Variants in TTC27 observed in about 807,000 individuals in gnomAD.
TTC27 encodes tetratricopeptide repeat protein 27.
A neutral mutation model predicts 115.9 loss-of-function variants in TTC27; 79 were observed. The observed-to-expected ratio is 0.68, with a 90% CI of 0.57 to 0.82. The LOEUF (loss-of-function observed/expected upper bound fraction) is 0.82. TTC27 is among the 40% of genes least tolerant of loss of function. The pLI, the probability that TTC27 is intolerant of heterozygous loss-of-function variation, is 0.00. For synonymous variants in TTC27, 401 were observed against 356.0 expected, an observed-to-expected ratio of 1.13 and a Z score of -1.42; for missense variants, 1,054 against 993.1, an observed-to-expected ratio of 1.06 and a Z score of -0.82.
chr2:32,759,432 A>T (rs748637710), intron 13 of TTC27, among the ~76,000 whole-genome samples: 1 of 152,194 alleles, frequency 6.6e-6, no homozygotes, highest in African/African-American at 2.4e-5. Context: ...GGTAAAAAAC[A>T]TAGAAAAATT....
At chr2:32,670,963 T>C (rs1665993840) in intron 7 of TTC27, among the ~76,000 whole-genome samples, 1 of 104,772 alleles carries the variant, frequency 9.5e-6, no homozygotes, top group Admixed American at 1.0e-4. Context: ...TCTTATTGAG[T>C]TCTAAGAGTT....
rs1671351609 is a variant in TTC27 at position 32,812,575 on chromosome 2, AT to A, written c.2271del (p.Phe757LeufsTer9). The A allele has an allele frequency of 6.2e-7, 1 of 1,614,098 alleles. No individual in the cohort carries two copies. The highest frequency in any genetic ancestry group is 8.5e-7 in the Non-Finnish European group (1 of 1,179,944). On this transcript the variant is annotated frameshift_variant, in exon 18 of 20. Coordinates refer to ENST00000317907, the MANE Select transcript of TTC27 (RefSeq NM_017735.5). LOFTEE classifies it high-confidence loss of function. The part of the protein sequence containing the change: ...SNCWEKDITS[F>X]KEVVQRALGL... ...ATTGTTGGGAGAAAGATATTACATC[AT>A]TTAAGGAAGTTGTTCAAAGAGCCTT...
At chr2:32,764,228 C>G (rs1669545079) in intron 13 of TTC27, among the ~76,000 whole-genome samples, 1 of 152,080 alleles carries the variant, frequency 6.6e-6, no homozygotes, top group Non-Finnish European at 1.5e-5. Context: ...ATACTGTGAA[C>G]AGTATATGTA....
intron 15 of TTC27, among the ~76,000 whole-genome samples, chr2:32,783,177 G>A (rs1670239364): frequency 6.6e-6 from 1 of 152,106 alleles, no homozygotes; most frequent in South Asian, 2.1e-4. Flanking sequence ...TATAAAGAGG[G>A]CTAAAATAAT....
In TTC27 at chr2:32,683,280, C is replaced by T. The variant is rs192999197; in HGVS notation, c.1119+4358C>T. The stretch of plus-strand genomic sequence containing the variant: ...CTGGATTTACAGGGGTGAGCCACCG[C>T]GCCCGGCCAATAGAAGTCTTAATAC... On this transcript the variant is annotated intron_variant, in intron 9 of 19. Coordinates refer to ENST00000317907, the MANE Select transcript of TTC27 (RefSeq NM_017735.5). 4.5e-3 allele frequency among the ~76,000 whole-genome samples: 690 copies of T among 152,196 alleles called. 5 individuals carry two copies. Among genetic ancestry groups the T allele is most frequent in the Non-Finnish European group, 7.6e-3 (520 of 68,022 alleles).
chr2:32,763,869 A>C (rs1038065562), intron 13 of TTC27, among the ~76,000 whole-genome samples: 1 of 152,228 alleles, frequency 6.6e-6, no homozygotes, highest in Admixed American at 6.5e-5. Flanking sequence ...GGATAGTGAA[A>C]GCTGAAGAAA....
In TTC27 at chr2:32,777,977, C is replaced by G; in HGVS notation, c.1776C>G (p.Pro592=). Residue 592 remains proline, a synonymous_variant, in exon 14 of 20, where the codon CCC becomes CCG. Transcript: ENST00000317907. ...KAFQRCVTLE[P]DNAEAWNNLS... Reference sequence around the variant, plus strand: ...TTCAGCGCTGTGTGACTCTAGAACCCGATGTAAGTTTGTTTGATCTTCTGT... The same window carrying G: ...TTCAGCGCTGTGTGACTCTAGAACCGGATGTAAGTTTGTTTGATCTTCTGT... 6.2e-7 allele frequency: 1 copy of G among 1,613,728 alleles called. No homozygotes were observed. Among genetic ancestry groups the G allele is most frequent in the Non-Finnish European group, 8.5e-7 (1 of 1,179,860 alleles).
At chr2:32,645,496 A>T (rs1465697979) in intron 4 of TTC27, among the ~76,000 whole-genome samples, 1 of 152,084 alleles carries the variant, frequency 6.6e-6, no homozygotes, top group Non-Finnish European at 1.5e-5. Context: ...CAAGACCTCA[A>T]GTTCACTTTT....
chr2:32,629,847 A>G (rs1226618767), intron 1 of TTC27, among the ~76,000 whole-genome samples: 2 of 152,198 alleles, frequency 1.3e-5, no homozygotes, highest in Non-Finnish European at 2.9e-5. Context: ...GCTGGACCCA[A>G]AAGAGTAATA....
intron 19 of TTC27, among the ~76,000 whole-genome samples, chr2:32,818,479 G>T (rs556223358): frequency 6.6e-6 from 1 of 152,190 alleles, no homozygotes; most frequent in African/African-American, 2.4e-5. Context: ...CTGGGCCAGA[G>T]ATGCCTAAGA....
At chr2:32,766,793 T>C (rs1669642567) in intron 13 of TTC27, among the ~76,000 whole-genome samples, 2 of 152,194 alleles carry the variant, frequency 1.3e-5, no homozygotes. Flanking sequence ...ATTATTTATT[T>C]ATTTATTTTT....
intron 12 of TTC27, among the ~76,000 whole-genome samples, chr2:32,744,910 T>C (rs529328383): frequency 1.3e-5 from 2 of 152,006 alleles, no homozygotes; most frequent in South Asian, 4.2e-4. Flanking sequence ...TAGCTGGGCA[T>C]GGTGATGGGC....
intron 16 of TTC27, among the ~76,000 whole-genome samples, chr2:32,798,713 A>AAAAAAAAAT (rs1368512271): frequency 1.6e-4 from 23 of 142,344 alleles, no homozygotes; most frequent in East Asian, 1.2e-3. Flanking sequence ...TCAAAAAAAA[A>AAAAAAAAAT]AATAATAATA....
chr2:32,650,152 A>G lies in TTC27; in HGVS notation c.559A>G (p.Arg187Gly), dbSNP rs1665037349. The G allele has an allele frequency of 1.2e-6, 2 of 1,613,536 alleles. No homozygotes were observed. ...AIQSLPWWTL[R>G]CVNIHQHLLE... ...CTAGAGCTTGCCATGGTGGACTTTG[A>G]GATGTGTGAATATTCATCAGCATTT... The change falls in exon 5 of 20, where the codon AGA becomes GGA. Residue 187 changes from arginine to glycine, a missense_variant. Arg to Gly is a moderately radical substitution (Grantham distance 125). Transcript: ENST00000317907.
intron 12 of TTC27, among the ~76,000 whole-genome samples, chr2:32,753,980 C>G (rs1669110008): frequency 6.6e-6 from 1 of 151,986 alleles, no homozygotes; most frequent in Non-Finnish European, 1.5e-5. Context: ...GAGGCTGAGG[C>G]TGGAGAATCG....
intron 9 of TTC27, among the ~76,000 whole-genome samples, chr2:32,692,531 G>T (rs1032562875): frequency 6.6e-6 from 1 of 152,062 alleles, no homozygotes; most frequent in Non-Finnish European, 1.5e-5. Flanking sequence ...TGAACTGTGT[G>T]TTTAAAAATT....
rs2063522839 is a variant in TTC27, at chr2:32,628,139, A to G, written c.-154A>G. The stretch of plus-strand genomic sequence containing the variant: ...GTTATGGCCGCCTCCTTGAGGTAGT[A>G]TCCGCACATGGAATTCTAGGGCCGC... On this transcript the variant is annotated 5_prime_UTR_variant, in exon 1 of 20. Transcript: ENST00000317907. 1.5e-6 allele frequency: 1 copy of G among 685,374 alleles called. No individual in the cohort carries two copies. The highest frequency in any genetic ancestry group is 1.8e-5 in the South Asian group (1 of 55,368). The allele number at this position is 685,374 out of a possible 1,614,324, so 42.5% of individuals were successfully genotyped here.
At chr2:32,782,786 C>A in intron 15 of TTC27, 108 bp downstream of exon 15, 1 of 841,908 alleles carries the variant, frequency 1.2e-6, no homozygotes, top group Non-Finnish European at 1.9e-6. Context: ...CCTTTCTCGC[C>A]CATGTATATG....
chr2:32,703,354 C>G (rs1327742980), intron 10 of TTC27, among the ~76,000 whole-genome samples: 1 of 152,134 alleles, frequency 6.6e-6, no homozygotes, highest in Non-Finnish European at 1.5e-5. Flanking sequence ...GTAATCCCAG[C>G]CACTCGGGAG....
Sources: gnomAD v4.1 joint callset for allele counts (sites outside exome capture counted in the v4.1 genomes callset) on GRCh38, gnomAD v4.1.1 for gene constraint, MANE v1.5 for transcripts, NCBI Gene and HGNC (gene_info 2026-07-23, HGNC 2026-07-21) for gene names.